WAC: variants seen among roughly 807,000 people sequenced by gnomAD.
WAC encodes the protein WW domain-containing adapter protein with coiled-coil.
A neutral mutation model predicts 79.6 loss-of-function variants in WAC; 11 were observed. The observed-to-expected ratio is 0.14, with a 90% CI of 0.09 to 0.23. The LOEUF (loss-of-function observed/expected upper bound fraction) is 0.23, where lower values mean the gene tolerates loss of function less well. WAC is among the 10% of genes least tolerant of loss of function. WAC has a pLI of 1.00. For missense variants in WAC, 728 were observed against 773.5 expected, an observed-to-expected ratio of 0.94 and a Z score of 0.70; for synonymous variants, 304 against 276.9, an observed-to-expected ratio of 1.10 and a Z score of -0.97.
chr10:28,541,232 A>G (rs983478342), intron 3 of WAC, among the ~76,000 whole-genome samples: 14 of 151,982 alleles, frequency 9.2e-5, no homozygotes, highest in African/African-American at 3.1e-4. Flanking sequence ...TCTATTAAGC[A>G]TCTGTTACCT....
chr10:28,543,318 G>A (rs1333640751), intron 3 of WAC, among the ~76,000 whole-genome samples: 1 of 142,150 alleles, frequency 7.0e-6, no homozygotes, highest in Non-Finnish European at 1.6e-5. Flanking sequence ...TTCAATTTTA[G>A]TATATTTTAT....
intron 12 of WAC, 128 bp from the exon 13 acceptor site, chr10:28,617,529 T>C: frequency 2.4e-6 from 2 of 830,980 alleles, no homozygotes; most frequent in Non-Finnish European, 3.4e-6. Flanking sequence ...TTCACCAGCA[T>C]TTTTGTGTAT....
chr10:28,579,504 C>T (rs908771600), intron 3 of WAC, among the ~76,000 whole-genome samples: 1 of 152,130 alleles, frequency 6.6e-6, no homozygotes, highest in African/African-American at 2.4e-5. Context: ...TATATTCTTT[C>T]TCTTAGCCTT....
At chr10:28,552,844 G>C (rs1350013488) in intron 3 of WAC, among the ~76,000 whole-genome samples, 1 of 93,044 alleles carries the variant, frequency 1.1e-5, no homozygotes, top group East Asian at 3.8e-4. Flanking sequence ...CCACTTGGCT[G>C]CTTTTTTTTT....
In WAC at chr10:28,621,947, G is replaced by T. The variant is rs926164148; in HGVS notation, c.*2341G>T. The T allele has an allele frequency of 6.6e-6, 1 of 152,438 alleles. No homozygotes were observed. Among genetic ancestry groups the T allele is most frequent in the Non-Finnish European group, 1.5e-5 (1 of 68,326 alleles). The allele number at this position is 152,438 out of a possible 1,614,324, so 9.4% of individuals were successfully genotyped here. On this transcript the variant is annotated 3_prime_UTR_variant, in exon 14 of 14. Coordinates refer to ENST00000354911, the MANE Select transcript of WAC (RefSeq NM_016628.5). The stretch of plus-strand genomic sequence containing the variant: ...GGCTGGAGTGCAATGGCACGATCTC[G>T]GCTCACCGCAACCTCTGCCTCCTGG...
At position 28,616,274 on chromosome 10, in the gene WAC, G is replaced by A; in HGVS notation, c.1658G>A (p.Cys553Tyr). The A allele has an allele frequency of 6.2e-7, 1 of 1,614,024 alleles. No homozygotes were observed. The highest frequency in any genetic ancestry group is 8.5e-7 in the Non-Finnish European group (1 of 1,179,962). Reference protein sequence around the residue: ...VPQNSSARSTCSLTPALAAHF... With the variant: ...VPQNSSARSTYSLTPALAAHF... ...CAGAATTCTTCTGCCCGATCCACGT[G>A]TTCATTAACGCCTGCACTAGCAGCA... The change falls in exon 12 of 14, where the codon TGT becomes TAT. Residue 553 changes from cysteine (C) to tyrosine (Y), a missense_variant. This residue lies in a region of WAC where 648 missense variants were observed against 661.5 expected (regional missense o/e 0.98). Transcript: ENST00000354911.
At chr10:28,547,813 A>T (rs1037310286) in intron 3 of WAC, among the ~76,000 whole-genome samples, 1 of 152,008 alleles carries the variant, frequency 6.6e-6, no homozygotes, top group Non-Finnish European at 1.5e-5. Context: ...CCTTGGATCT[A>T]AAACTTCACA....
intron 3 of WAC, among the ~76,000 whole-genome samples, chr10:28,566,498 G>A (rs776514702): frequency 4.9e-4 from 74 of 152,274 alleles, no homozygotes; most frequent in Non-Finnish European, 8.7e-4. Flanking sequence ...AGTCCTCAAA[G>A]TACAGCTACT....
intron 6 of WAC, 113 bp downstream of exon 6, chr10:28,590,945 G>A (rs1311698624): frequency 9.0e-6 from 8 of 889,612 alleles, no homozygotes; most frequent in African/African-American, 3.4e-5. Context: ...AGAAACATAC[G>A]GAGATTCTTT....
rs547057551 is a variant in WAC at position 28,610,568 on chromosome 10, T to C, written c.1166-131T>C. The C allele has an allele frequency of 5.5e-6, 5 of 916,142 alleles. No homozygotes were observed. The East Asian group carries it at 1.4e-4, about 26-fold the overall frequency. The allele number at this position is 916,142 out of a possible 1,614,324, so 56.8% of individuals were successfully genotyped here. A position where few individuals can be genotyped will look rare whatever the true frequency, so the allele number is the denominator to read the frequency against. ...GACCCATTGTATTACTCCTATCTAG[T>C]AGGCTTTTATTTTGAGAGTTCTAGG... On this transcript the variant is annotated intron_variant, in intron 8 of 13. Transcript: ENST00000354911.
intron 3 of WAC, among the ~76,000 whole-genome samples, chr10:28,550,628 G>T (rs1837615279): frequency 2.0e-5 from 3 of 152,064 alleles, no homozygotes; most frequent in African/African-American, 7.2e-5. Flanking sequence ...ACAGGTGAGT[G>T]GCAGAAATCT....
At chr10:28,613,376 G>T (rs1316012201) in intron 10 of WAC, among the ~76,000 whole-genome samples, 1 of 151,984 alleles carries the variant, frequency 6.6e-6, no homozygotes, top group Non-Finnish European at 1.5e-5. Context: ...ACTTTCTTGG[G>T]CATGGTGATG....
intron 7 of WAC, among the ~76,000 whole-genome samples, chr10:28,607,754 T>C (rs970606242): frequency 2.0e-5 from 3 of 152,234 alleles, no homozygotes; most frequent in Non-Finnish European, 4.4e-5. Flanking sequence ...AGGTTGTTAC[T>C]GTGGCCATAA....
chr10:28,596,288 A>T (rs529782146), intron 7 of WAC, among the ~76,000 whole-genome samples: 1 of 152,202 alleles, frequency 6.6e-6, no homozygotes, highest in African/African-American at 2.4e-5. Flanking sequence ...ATTTATAACA[A>T]TAATGGTTTA....
chr10:28,566,994 T>A (rs1443574772), intron 3 of WAC, among the ~76,000 whole-genome samples: 1 of 151,450 alleles, frequency 6.6e-6, no homozygotes, highest in East Asian at 1.9e-4. Context: ...ATATATTGGC[T>A]TCATCTTTCA....
intron 3 of WAC, among the ~76,000 whole-genome samples, chr10:28,557,505 G>C (rs145996030): frequency 1.3e-5 from 2 of 152,184 alleles, no homozygotes; most frequent in African/African-American, 4.8e-5. Context: ...AGACCCACCT[G>C]AACATAGTGA....
chr10:28,542,994 A>G (rs952719267), intron 3 of WAC, among the ~76,000 whole-genome samples: 1 of 152,242 alleles, frequency 6.6e-6, no homozygotes, highest in Non-Finnish European at 1.5e-5. Context: ...ATAGTGCCTG[A>G]AACTTTATAG....
At chr10:28,584,285 A>G (rs970804852) in intron 4 of WAC, among the ~76,000 whole-genome samples, 5 of 152,190 alleles carry the variant, frequency 3.3e-5, no homozygotes, top group South Asian at 4.1e-4. Context: ...TGGGCAGTAA[A>G]AGAGCTCTGG....
intron 3 of WAC, among the ~76,000 whole-genome samples, chr10:28,569,642 T>C (rs1426553077): frequency 6.6e-6 from 1 of 152,194 alleles, no homozygotes; most frequent in Non-Finnish European, 1.5e-5. Context: ...ACTTCTATAA[T>C]CTAGTTCGGC....
Sources: allele counts gnomAD v4.1 joint callset (sites outside exome capture counted in the v4.1 genomes callset), GRCh38; gene constraint gnomAD v4.1.1; regional missense constraint gnomAD v4.1.1; transcripts MANE v1.5; gene names NCBI Gene and HGNC (gene_info 2026-07-23, HGNC 2026-07-21).